The following CACNA1B variants were observed in gnomAD, a reference collection of about 807,000 sequenced individuals.
CACNA1B encodes voltage-dependent N-type calcium channel subunit alpha-1B.
A neutral mutation model predicts 247.2 loss-of-function variants in CACNA1B; 70 were observed. The ratio of observed to expected loss-of-function variants is 0.28; its 90% CI spans 0.23 to 0.35. CACNA1B has a LOEUF of 0.35. Among genes scored for constraint, CACNA1B ranks in the 10% least tolerant of loss-of-function variants. The pLI, the probability that CACNA1B is intolerant of heterozygous loss-of-function variation, is 1.00. For missense variants in CACNA1B, 2,367 were observed against 3,197.4 expected (o/e 0.74, Z 6.26); for synonymous variants, 1,231 against 1,294.4 (o/e 0.95, Z 1.05).
rs1254929479 is a variant in CACNA1B, at chr9:137,888,336, C to T, written c.530+5453C>T. ...ATCCACGCTCCCAGTCCTGTCCCCA[C>T]GTCACTGCCTCTGCCCTCCCGGGCC... On this transcript the variant is annotated intron_variant, in intron 3 of 46. Transcript: ENST00000371372. The surrounding 1 kb of genome is among the most constrained non-coding windows in gnomAD (Gnocchi z 4.7). Among the ~76,000 whole-genome samples the T allele has an allele frequency of 6.6e-6, 1 of 151,906 alleles. No individual in the cohort carries two copies. Among genetic ancestry groups the T allele is most frequent in the Non-Finnish European group, 1.5e-5 (1 of 67,888 alleles).
rs1957861096 is a variant in CACNA1B at position 137,950,015 on chromosome 9, T to C, written c.967-2259T>C. Reference sequence around the variant, plus strand: ...TTGAAAACTGGCCATTTTTGGCCTTTCAGCATGGGACCTTGGATCTCAGTT... The same window carrying C: ...TTGAAAACTGGCCATTTTTGGCCTTCCAGCATGGGACCTTGGATCTCAGTT... On this transcript the variant is annotated intron_variant, in intron 6 of 46. Coordinates refer to ENST00000371372, the MANE Select transcript of CACNA1B (RefSeq NM_000718.4). The surrounding 1 kb of genome is among the most constrained non-coding windows in gnomAD (Gnocchi z 4.8). Among the ~76,000 whole-genome samples the C allele has an allele frequency of 6.6e-6, 1 of 152,224 alleles. No individual in the cohort carries two copies. Among genetic ancestry groups the C allele is most frequent in the Non-Finnish European group, 1.5e-5 (1 of 68,036 alleles).
At chr9:137,995,592 C>A (rs1451005400) in intron 15 of CACNA1B, among the ~76,000 whole-genome samples, 1 of 152,142 alleles carries the variant, frequency 6.6e-6, no homozygotes, top group Non-Finnish European at 1.5e-5. Context: ...AAGATAACAT[C>A]AGAAAAAATC....
At chr9:138,025,681 T>C (rs1049016189) in intron 20 of CACNA1B, among the ~76,000 whole-genome samples, 3 of 152,218 alleles carry the variant, frequency 2.0e-5, no homozygotes, top group Non-Finnish European at 4.4e-5. Flanking sequence ...TGAGCTGCCT[T>C]CTTTCCTCCC....
chr9:137,936,784 G>A (rs1957673596), intron 6 of CACNA1B, among the ~76,000 whole-genome samples: 1 of 152,146 alleles, frequency 6.6e-6, no homozygotes, highest in South Asian at 2.1e-4. Flanking sequence ...AAGATCAGAT[G>A]GTTGTAGATG....
At chr9:138,120,532 C>A in intron 45 of CACNA1B, 99 bp from the exon 46 acceptor site, 1 of 1,403,754 alleles carries the variant, frequency 7.1e-7, no homozygotes, top group Non-Finnish European at 9.4e-7. Context: ...CTCACCCTAG[C>A]CTCCCCTGGC....
At chr9:138,098,633 G>C (rs1589127028) in intron 37 of CACNA1B, among the ~76,000 whole-genome samples, 1 of 152,234 alleles carries the variant, frequency 6.6e-6, no homozygotes, top group Non-Finnish European at 1.5e-5. Flanking sequence ...ACTTGGGCCA[G>C]ATGGCAGCTT....
chr9:137,878,992 C>A (rs1393061242), intron 1 of CACNA1B, 62 bp from the exon 2 acceptor site: 3 of 1,074,438 alleles, frequency 2.8e-6, no homozygotes, highest in East Asian at 5.2e-5. Context: ...CTGGGCTCTG[C>A]TGGCGTCGGC....
At chr9:137,972,855 C>T (rs1482481241) in intron 11 of CACNA1B, among the ~76,000 whole-genome samples, 5 of 152,322 alleles carry the variant, frequency 3.3e-5, no homozygotes, top group South Asian at 4.1e-4. Context: ...GGCTGCAGGT[C>T]GAGAAGCAGC....
chr9:137,901,416 C>T (rs1957238172), intron 3 of CACNA1B, among the ~76,000 whole-genome samples: 2 of 152,162 alleles, frequency 1.3e-5, no homozygotes, highest in Admixed American at 6.5e-5. Context: ...CCACCGCCCT[C>T]CCGGGTTCAA....
intron 1 of CACNA1B, among the ~76,000 whole-genome samples, chr9:137,878,618 G>T (rs935684349): frequency 4.6e-5 from 7 of 152,160 alleles, no homozygotes; most frequent in Non-Finnish European, 8.8e-5. Context: ...CTGCGCGTGC[G>T]TGCGCTCGCG....
chr9:138,080,452 CA>C (rs1330260279), intron 36 of CACNA1B, among the ~76,000 whole-genome samples: 1 of 152,162 alleles, frequency 6.6e-6, no homozygotes, highest in Non-Finnish European at 1.5e-5. Context: ...ATTATCATTG[CA>C]AGATCATTAC....
chr9:137,948,690 ATGTG>A (rs1262437479), intron 6 of CACNA1B, among the ~76,000 whole-genome samples: 1 of 138,620 alleles, frequency 7.2e-6, no homozygotes, highest in Non-Finnish European at 1.6e-5. Flanking sequence ...TGTGGTGTGC[ATGTG>A]TGTGTGTCTG....
intron 15 of CACNA1B, among the ~76,000 whole-genome samples, chr9:137,997,996 A>G (rs879414973): frequency 6.6e-6 from 1 of 152,240 alleles, no homozygotes; most frequent in African/African-American, 2.4e-5. Context: ...TTTAAGGATG[A>G]ACAATGTGCA....
intron 45 of CACNA1B, 53 bp downstream of exon 45, chr9:138,120,425 G>A (rs545448914): frequency 5.7e-4 from 848 of 1,499,452 alleles, no homozygotes; most frequent in Non-Finnish European, 7.0e-4. Context: ...CCCGAGTCAG[G>A]GGGTCCAAGC....
At position 138,057,568 on chromosome 9, in the gene CACNA1B, A is replaced by C. The variant is rs76363514; in HGVS notation, c.3969-164A>C. On this transcript the variant is annotated intron_variant, in intron 26 of 46. Coordinates refer to ENST00000371372, the MANE Select transcript of CACNA1B (RefSeq NM_000718.4). This position sits in a 1 kb window ranked among gnomAD's most constrained non-coding sequence, Gnocchi z 4.0. ...GAGTTAATTTTTGTCTATGGAGTAA[A>C]GTAGGGTCACATTCATTCTTCTGCA... Among the ~76,000 whole-genome samples, 14 of 152,212 alleles carry C rather than the reference A, an allele frequency of 9.2e-5. No homozygotes were observed. The East Asian group carries it at 1.9e-3, about 21-fold the overall frequency.
chr9:137,941,265 A>G (rs562485805), intron 6 of CACNA1B, among the ~76,000 whole-genome samples: 2 of 152,344 alleles, frequency 1.3e-5, no homozygotes, highest in Admixed American at 6.5e-5. Flanking sequence ...GCTCTTTTAT[A>G]TACTAACAGT....
intron 37 of CACNA1B, among the ~76,000 whole-genome samples, chr9:138,099,001 CTG>C (rs1961151639): frequency 6.6e-6 from 1 of 152,240 alleles, no homozygotes; most frequent in African/African-American, 2.4e-5. Flanking sequence ...TTGGTAGCCT[CTG>C]TGACAAACGC....
intron 6 of CACNA1B, among the ~76,000 whole-genome samples, chr9:137,925,502 A>G (rs1171294543): frequency 6.6e-6 from 1 of 152,178 alleles, no homozygotes; most frequent in Non-Finnish European, 1.5e-5. Flanking sequence ...TGTATTTTAA[A>G]TTTCAGTGTC....
Position 137,923,294 on chromosome 9 carries a change from T to TCCGTGGTG in CACNA1B, c.966+5865_966+5866insGTGGTGCC. ...GGTATTCCATGGTGCCAGGTGGTAT[T>TCCGTGGTG]CCATGGTGCCAGGTAGTATTCCGTG... On this transcript the variant is annotated intron_variant, in intron 6 of 46. Transcript: ENST00000371372. Among the ~76,000 whole-genome samples the TCCGTGGTG allele has an allele frequency of 5.4e-5, 8 of 149,022 alleles. 1 individual carries two copies. Among genetic ancestry groups the TCCGTGGTG allele is most frequent in the African/African-American group, 1.5e-4 (6 of 39,888 alleles).
Sources: allele counts gnomAD v4.1 joint callset (sites outside exome capture counted in the v4.1 genomes callset), GRCh38; gene constraint gnomAD v4.1.1; non-coding constraint Gnocchi (gnomAD v3.1); transcripts MANE v1.5; gene names NCBI Gene and HGNC (gene_info 2026-07-23, HGNC 2026-07-21).